SPATS1: variants seen among roughly 807,000 people sequenced by gnomAD.
The protein encoded by SPATS1 is spermatogenesis associated serine rich 1, also known as spermatogenesis-associated serine-rich protein 1.
SPATS1 carries 23 observed loss-of-function variants against 33.6 expected under a neutral mutation model. That is an observed-to-expected ratio of 0.68 (90% CI 0.49 to 0.97). The LOEUF (loss-of-function observed/expected upper bound fraction) is 0.97, where lower values mean the gene tolerates loss of function less well. Among genes scored for constraint, SPATS1 ranks in the 50% least tolerant of loss-of-function variants. The pLI is 0.00. For missense variants in SPATS1, 327 were observed against 361.0 expected (o/e 0.91, Z 0.76); for synonymous variants, 131 against 125.6 (o/e 1.04, Z -0.29).
rs748204271 is a variant in SPATS1 at position 44,376,346 on chromosome 6, T to C, written c.759-12T>C. ...TCAAACTACAACTCAGGGTGTTGTC[T>C]TCTTCCCACAGCTTGCCTTTCTGGG... On this transcript the variant is annotated splice_polypyrimidine_tract_variant and intron_variant, in intron 7 of 8. Coordinates refer to ENST00000674044, the MANE Select transcript of SPATS1 (RefSeq NM_001372081.1). The C allele has an allele frequency of 6.3e-7, 1 of 1,596,360 alleles. No homozygotes were observed. The highest frequency in any genetic ancestry group is 8.6e-7 in the Non-Finnish European group (1 of 1,166,552).
At chr6:44,358,284 C>A (rs1385507887) in intron 3 of SPATS1, among the ~76,000 whole-genome samples, 1 of 152,140 alleles carries the variant, frequency 6.6e-6, no homozygotes, top group Non-Finnish European at 1.5e-5. Context: ...ATCATTGTAC[C>A]TGAAAACATT....
At chr6:44,342,997 T>A in intron 1 of SPATS1, 99 bp from the exon 2 acceptor site, 1 of 1,482,394 alleles carries the variant, frequency 6.7e-7, no homozygotes, top group Non-Finnish European at 9.2e-7. Flanking sequence ...TGACTTTCGG[T>A]GGCTTGTGGA....
Position 44,361,812 on chromosome 6 carries a change from G to C in SPATS1, c.413-19G>C, listed in dbSNP as rs902434916. 16 of 1,614,072 alleles carry C rather than the reference G, an allele frequency of 9.9e-6. No homozygotes were observed. The African/African-American group carries it at 2.1e-4, about 22-fold the overall frequency. ...AGGCTGGGAACAGTGCTAATGGAAG[G>C]CTTTCTGGTGTATTGCAGAAGATGG... On this transcript the variant is annotated intron_variant, in intron 4 of 8. Transcript: ENST00000674044.
chr6:44,371,979 C>T (rs559092132), intron 7 of SPATS1, among the ~76,000 whole-genome samples: 7 of 148,198 alleles, frequency 4.7e-5, no homozygotes, highest in Non-Finnish European at 7.4e-5. Flanking sequence ...TGTTTGCAGC[C>T]GGGCATGATG....
In SPATS1 at chr6:44,377,104, G is replaced by T. The variant is rs779149133; in HGVS notation, c.*41G>T. On this transcript the variant is annotated 3_prime_UTR_variant, in exon 9 of 9. Transcript: ENST00000674044. ...CAAAACATGTGCTGACTGCACTCTG[G>T]CGACCCTTTTCCAGTTGATGTTTTT... 6.2e-7 allele frequency: 1 copy of T among 1,613,392 alleles called. No individual in the cohort carries two copies. Among genetic ancestry groups the T allele is most frequent in the South Asian group, 1.1e-5 (1 of 91,062 alleles).
At chr6:44,354,371 AAATG>A (rs72059216) in intron 3 of SPATS1, among the ~76,000 whole-genome samples, 5,763 of 19,262 alleles carry the variant, frequency 0.3, 317 homozygotes, top group East Asian at 0.43. Flanking sequence ...ATAAATAAAT[AAATG>A]TCACTATAAT....
rs551760245 is a variant in SPATS1 at position 44,346,837 on chromosome 6, A to G, written c.139+3603A>G. Among the ~76,000 whole-genome samples the G allele has an allele frequency of 2.0e-5, 3 of 152,304 alleles. No homozygotes were observed. In the South Asian group the frequency reaches 6.2e-4, roughly 32 times the overall value. On this transcript the variant is annotated intron_variant, in intron 2 of 8. Coordinates refer to ENST00000674044, the MANE Select transcript of SPATS1 (RefSeq NM_001372081.1). ...TGTGGCAATTCCTCAAGGATCTAGA[A>G]CTAGAAATACCATTTGACCCAGCAA...
In SPATS1 at chr6:44,343,163, C is replaced by A. The variant is rs760546925; in HGVS notation, c.68C>A (p.Thr23Asn). The A allele has an allele frequency of 3.1e-6, 5 of 1,614,168 alleles. No individual in the cohort carries two copies. The highest frequency in any genetic ancestry group is 3.4e-6 in the Non-Finnish European group (4 of 1,180,024). The change falls in exon 2 of 9, where the codon ACC becomes AAC. Residue 23 changes from threonine (T) to asparagine (N), a missense_variant. Physicochemically the swap from Thr to Asn is moderately conservative, Grantham distance 65. Coordinates refer to ENST00000674044, the MANE Select transcript of SPATS1 (RefSeq NM_001372081.1). ...GCRLPSISST[T>N]CGRQLEKVPE... The stretch of plus-strand genomic sequence containing the variant: ...CGTCTCCCCTCCATCTCAAGCACGA[C>A]CTGCGGCAGACAGCTGGAGAAGGTT...
Position 44,379,847 on chromosome 6 carries a change from G to C in SPATS1, c.*2784G>C, listed in dbSNP as rs1269807114. ...CAACTGTTAGATGATTGAACTTCTG[G>C]AGTTGCAGAGCTACATTTCATCCCC... On this transcript the variant is annotated 3_prime_UTR_variant, in exon 9 of 9. Coordinates refer to ENST00000674044, the MANE Select transcript of SPATS1 (RefSeq NM_001372081.1). Among the ~76,000 whole-genome samples the C allele has an allele frequency of 2.0e-5, 3 of 151,594 alleles. No homozygotes were observed. The highest frequency in any genetic ancestry group is 4.4e-5 in the Non-Finnish European group (3 of 67,948).
intron 3 of SPATS1, among the ~76,000 whole-genome samples, chr6:44,354,520 T>C (rs1788449571): frequency 6.6e-6 from 1 of 152,148 alleles, no homozygotes; most frequent in Non-Finnish European, 1.5e-5. Flanking sequence ...TAAAACCTAC[T>C]TTTTAAAAAG....
At chr6:44,344,578 C>G (rs184851857) in intron 2 of SPATS1, among the ~76,000 whole-genome samples, 26 of 152,102 alleles carry the variant, frequency 1.7e-4, no homozygotes, top group African/African-American at 6.3e-4. Flanking sequence ...AATGAGTATC[C>G]ATGTTAAACA....
intron 3 of SPATS1, 39 bp from the exon 4 acceptor site, chr6:44,360,407 G>C (rs1041359817): frequency 1.9e-5 from 30 of 1,613,158 alleles, no homozygotes; most frequent in Non-Finnish European, 2.5e-5. Context: ...GTAACTACCA[G>C]TTTAAGCACG....
At chr6:44,356,151 C>T (rs1256396002) in intron 3 of SPATS1, among the ~76,000 whole-genome samples, 5 of 152,120 alleles carry the variant, frequency 3.3e-5, no homozygotes, top group East Asian at 3.9e-4. Flanking sequence ...CCTTACAAAC[C>T]AAATCCTTCT....
At chr6:44,376,812 A>C (rs1358274823) in intron 8 of SPATS1, among the ~76,000 whole-genome samples, 1 of 152,152 alleles carries the variant, frequency 6.6e-6, no homozygotes, top group Non-Finnish European at 1.5e-5. Context: ...AACACAAACA[A>C]ACAAACAAAA....
At chr6:44,351,157 G>T (rs897295505) in intron 2 of SPATS1, among the ~76,000 whole-genome samples, 5 of 139,038 alleles carry the variant, frequency 3.6e-5, no homozygotes, top group Non-Finnish European at 7.9e-5. Flanking sequence ...AAAAAGAAAA[G>T]AAAACAACAA....
chr6:44,377,786 T>G lies in SPATS1; in HGVS notation c.*723T>G, dbSNP rs1453900479. On this transcript the variant is annotated 3_prime_UTR_variant, in exon 9 of 9. Coordinates refer to ENST00000674044, the MANE Select transcript of SPATS1 (RefSeq NM_001372081.1). ...TCCTCATATGATAGAAAGGGTGAGC[T>G]AGTCCTCTGGGGTCTCTTTTACAAG... 2 of 152,652 alleles carry G rather than the reference T, an allele frequency of 1.3e-5. No individual in the cohort carries two copies. The highest frequency in any genetic ancestry group is 2.4e-5 in the African/African-American group (1 of 41,580). 9.5% of individuals were successfully genotyped at this position (152,652 alleles called of 1,614,324 possible). A position where few individuals can be genotyped will look rare whatever the true frequency, so the allele number is the denominator to read the frequency against.
intron 2 of SPATS1, 62 bp from the exon 3 acceptor site, chr6:44,352,664 A>T: frequency 6.7e-7 from 1 of 1,501,360 alleles, no homozygotes; most frequent in Non-Finnish European, 9.2e-7. Context: ...AATCTAGGAA[A>T]CAAAATAGGG....
rs547530295 is a variant in SPATS1 at position 44,361,394 on chromosome 6, C to T, written c.413-437C>T. The T allele has an allele frequency of 9.1e-6, 9 of 985,390 alleles. No individual in the cohort carries two copies. The East Asian group carries it at 1.0e-3, about 112-fold the overall frequency. 61.0% of individuals were successfully genotyped at this position (985,390 alleles called of 1,614,324 possible). A position where few individuals can be genotyped will look rare whatever the true frequency, so the allele number is the denominator to read the frequency against. ...CACATGCGCGTGCTATTGTTGCAGC[C>T]AACACCATGTTTCCTCCACTTGAGG... On this transcript the variant is annotated intron_variant, in intron 4 of 8. Transcript: ENST00000674044.
chr6:44,360,750 T>C (rs1788865939), intron 4 of SPATS1, among the ~76,000 whole-genome samples, 180 bp downstream of exon 4: 1 of 152,214 alleles, frequency 6.6e-6, no homozygotes, highest in African/African-American at 2.4e-5. Context: ...AAAATGCCTT[T>C]ATATAAAACC....
Sources: allele counts gnomAD v4.1 joint callset (sites outside exome capture counted in the v4.1 genomes callset), GRCh38; gene constraint gnomAD v4.1.1; transcripts MANE v1.5; gene names NCBI Gene and HGNC (gene_info 2026-07-23, HGNC 2026-07-21).